Variants in MAP1B observed in about 807,000 individuals in gnomAD.
MAP1B encodes the protein microtubule-associated protein 1B.
Under a neutral mutation model 176.1 loss-of-function variants are expected in MAP1B, and 12 were observed. The ratio of observed to expected loss-of-function variants is 0.07; its 90% CI spans 0.04 to 0.11. The LOEUF is 0.11. MAP1B is among the 10% of genes least tolerant of loss of function. The pLI is 1.00. For synonymous variants in MAP1B, 1,044 were observed against 1,135.0 expected (o/e 0.92, Z 1.61); for missense variants, 2,523 against 2,990.5 (o/e 0.84, Z 3.65).
Position 72,193,680 on chromosome 5 carries a change from G to C in MAP1B, c.511-186G>C, listed in dbSNP as rs541466043. Among the ~76,000 whole-genome samples the C allele has an allele frequency of 1.2e-4, 19 of 152,240 alleles. No individual in the cohort carries two copies. In the South Asian group the frequency reaches 3.5e-3, roughly 28 times the overall value. ...AGCAGCGGGGCTCAGGACAAAGGCT[G>C]TTCACCTTCCAGTAGGGAAGTATTT... On this transcript the variant is annotated intron_variant, in intron 4 of 6. Coordinates refer to ENST00000296755, the MANE Select transcript of MAP1B (RefSeq NM_005909.5).
intron 2 of MAP1B, among the ~76,000 whole-genome samples, chr5:72,118,286 C>T (rs754333612): frequency 1.3e-5 from 2 of 151,490 alleles, no homozygotes; most frequent in Non-Finnish European, 2.9e-5. Context: ...GCTGGGATTA[C>T]AGGTACATGC....
intron 2 of MAP1B, among the ~76,000 whole-genome samples, chr5:72,168,064 G>A (rs1225018079): frequency 6.6e-6 from 1 of 152,262 alleles, no homozygotes; most frequent in Non-Finnish European, 1.5e-5. Flanking sequence ...CCTGTCGCTT[G>A]GCCAAGGCCC....
In MAP1B at chr5:72,197,645, A is replaced by G; in HGVS notation, c.4290A>G (p.Glu1430=). 2 of 1,614,238 alleles carry G rather than the reference A, an allele frequency of 1.2e-6. No homozygotes were observed. Among genetic ancestry groups the G allele is most frequent in the Non-Finnish European group, 1.7e-6 (2 of 1,180,050 alleles). Reference sequence around the variant, plus strand: ...GCAGAGGTGCCGAAAGTCCTTTTGAAGAAAAGAGTGGAAAACAAGGCTCTC... The same window carrying G: ...GCAGAGGTGCCGAAAGTCCTTTTGAGGAAAAGAGTGGAAAACAAGGCTCTC... The part of the protein sequence containing the change: ...ASGRGAESPF[E]EKSGKQGSPD... Residue 1430 remains glutamate (E), a synonymous_variant, in exon 5 of 7, where the codon GAA becomes GAG. Transcript: ENST00000296755.
intron 4 of MAP1B, among the ~76,000 whole-genome samples, chr5:72,188,252 A>G (rs2112221193): frequency 6.6e-6 from 1 of 152,288 alleles, no homozygotes; most frequent in East Asian, 1.9e-4. Flanking sequence ...CCCCATGTGC[A>G]TGTTGTACCC....
At chr5:72,161,692 C>G (rs892553847) in intron 2 of MAP1B, among the ~76,000 whole-genome samples, 5 of 152,146 alleles carry the variant, frequency 3.3e-5, no homozygotes, top group Non-Finnish European at 5.9e-5. Context: ...CGCAGTGGCT[C>G]ACACCTGTAA....
chr5:72,194,265 G>C lies in MAP1B; in HGVS notation c.910G>C (p.Val304Leu), dbSNP rs749063436. Reference sequence around the variant, plus strand: ...GAAGCTCATCCGACACTTAGACCGAGTGGACTCCATCCTGCTCACCCACAT... The same window carrying C: ...GAAGCTCATCCGACACTTAGACCGACTGGACTCCATCCTGCTCACCCACAT... ...FWKLIRHLDR[V>L]DSILLTHIGD... The change falls in exon 5 of 7, where the codon GTG becomes CTG. Residue 304 changes from valine to leucine, a missense_variant. Transcript: ENST00000296755. This position sits in a 1 kb window ranked among gnomAD's most constrained non-coding sequence, Gnocchi z 7.2. 2 of 1,614,186 alleles carry C rather than the reference G, an allele frequency of 1.2e-6. No individual in the cohort carries two copies.
rs770094199 is a variant in MAP1B, at chr5:72,197,159, A to T, written c.3804A>T (p.Glu1268Asp). The change falls in exon 5 of 7, where the codon GAA (glutamate) becomes GAT (aspartate). Residue 1268 changes from glutamate (E) to aspartate (D), a missense_variant. Physicochemically the swap from Glu to Asp is conservative, Grantham distance 45. This residue lies in a region of MAP1B where 1,925 missense variants were observed against 2,126.0 expected (regional missense o/e 0.91). Transcript: ENST00000296755. Reference protein sequence around the residue: ...SLSPSPPSPLEKTPLGERSVN... With the variant: ...SLSPSPPSPLDKTPLGERSVN... ...GTCCATCTCCACCATCACCCTTAGA[A>T]AAGACCCCCCTGGGTGAACGTAGTG... 2 of 1,614,142 alleles carry T rather than the reference A, an allele frequency of 1.2e-6. No individual in the cohort carries two copies. The highest frequency in any genetic ancestry group is 3.3e-5 in the Admixed American group (2 of 60,016).
rs764296166 is a variant in MAP1B, at chr5:72,199,481, C to T, written c.6126C>T (p.Tyr2042=). The T allele has an allele frequency of 1.1e-4, 174 of 1,614,026 alleles. No homozygotes were observed. The highest frequency in any genetic ancestry group is 1.4e-4 in the Non-Finnish European group (169 of 1,180,038). The change falls in exon 5 of 7, where the codon TAC becomes TAT. Residue 2042 remains tyrosine (Y), a synonymous_variant. Coordinates refer to ENST00000296755, the MANE Select transcript of MAP1B (RefSeq NM_005909.5). This position sits in a 1 kb window ranked among gnomAD's most constrained non-coding sequence, Gnocchi z 4.2. ...TRTPDTSTYC[Y]ETAEKITRTP... ...CCCCTGATACTTCCACATACTGTTA[C>T]GAGACTGCAGAGAAAATCACTAGAA... is the stretch of plus-strand genomic sequence containing the variant.
chr5:72,112,273 T>G (rs973265921), intron 1 of MAP1B, among the ~76,000 whole-genome samples: 1 of 152,234 alleles, frequency 6.6e-6, no homozygotes, highest in Non-Finnish European at 1.5e-5. Flanking sequence ...CAACATACAA[T>G]GCATGGTCAT....
intron 1 of MAP1B, among the ~76,000 whole-genome samples, chr5:72,113,414 C>G (rs2112116945): frequency 6.6e-6 from 1 of 152,168 alleles, no homozygotes; most frequent in South Asian, 2.1e-4. Flanking sequence ...TTAGAAATTA[C>G]TAAGTGGATT....
chr5:72,171,360 G>A (rs1288758935), intron 2 of MAP1B, among the ~76,000 whole-genome samples: 1 of 152,092 alleles, frequency 6.6e-6, no homozygotes, highest in Non-Finnish European at 1.5e-5. Context: ...GGCTGAGGTG[G>A]GAGGATCACT....
In MAP1B at chr5:72,203,589, T is replaced by C. The variant is rs1277966225; in HGVS notation, c.7039T>C (p.Ser2347Pro). ...AGPGTTKTTK[S>P]SAVPPGLPVY... ...ACCAGGAACTACCAAGACGACCAAG[T>C]CATCTGCTGTGCCCCCAGGCCTCCC... Residue 2347 changes from serine to proline, a missense_variant, in exon 6 of 7, where the codon TCA (serine) becomes CCA (proline). This residue lies in a region of MAP1B where 287 missense variants were observed against 401.5 expected (regional missense o/e 0.71). Transcript: ENST00000296755. The C allele has an allele frequency of 6.2e-7, 1 of 1,614,138 alleles. No homozygotes were observed. Among genetic ancestry groups the C allele is most frequent in the South Asian group, 1.1e-5 (1 of 91,076 alleles).
chr5:72,150,501 T>C (rs531933650), intron 2 of MAP1B, among the ~76,000 whole-genome samples: 28 of 152,226 alleles, frequency 1.8e-4, no homozygotes, highest in Non-Finnish European at 3.1e-4. Flanking sequence ...ATAACTTTCT[T>C]TTTTAACTTT....
intron 5 of MAP1B, among the ~76,000 whole-genome samples, 186 bp downstream of exon 5, chr5:72,200,553 G>A (rs776955462): frequency 6.6e-6 from 1 of 152,206 alleles, no homozygotes; most frequent in Non-Finnish European, 1.5e-5. Context: ...CTTAAGGCTT[G>A]GAAATAGCTC....
chr5:72,194,469 A>G lies in MAP1B; in HGVS notation c.1114A>G (p.Ile372Val). The G allele has an allele frequency of 6.2e-7, 1 of 1,614,068 alleles. No homozygotes were observed. The highest frequency in any genetic ancestry group is 1.1e-5 in the South Asian group (1 of 91,080). Residue 372 changes from isoleucine (I) to valine (V), a missense_variant, in exon 5 of 7, where the codon ATC becomes GTC. This residue lies in a region of MAP1B where 1,925 missense variants were observed against 2,126.0 expected (regional missense o/e 0.91). Coordinates refer to ENST00000296755, the MANE Select transcript of MAP1B (RefSeq NM_005909.5). The surrounding 1 kb of genome is among the most constrained non-coding windows in gnomAD (Gnocchi z 7.2). ...AAATCTCAAAAATCCAGAGCCAAAC[A>G]TCAAGATGAAGAGAAGCATAGAAGA... ...PENLKNPEPN[I>V]KMKRSIEEAC... is the part of the protein sequence containing the mutation.
intron 2 of MAP1B, among the ~76,000 whole-genome samples, chr5:72,173,537 T>C (rs1247332494): frequency 1.3e-5 from 2 of 152,248 alleles, no homozygotes; most frequent in Non-Finnish European, 2.9e-5. Context: ...TCAGGTCTAA[T>C]TAACCATGTG....
intron 2 of MAP1B, among the ~76,000 whole-genome samples, chr5:72,143,214 C>A (rs1281661540): frequency 6.6e-5 from 10 of 152,110 alleles, no homozygotes; most frequent in Non-Finnish European, 1.5e-4. Flanking sequence ...AAATGTTAGT[C>A]CCAATAATTT....
At chr5:72,183,488 G>A (rs1318068788) in intron 2 of MAP1B, among the ~76,000 whole-genome samples, 1 of 152,176 alleles carries the variant, frequency 6.6e-6, no homozygotes, top group African/African-American at 2.4e-5. Context: ...TGCCTAGACC[G>A]ACCCTGAAAA....
rs759773230 is a variant in MAP1B at position 72,196,142 on chromosome 5, A to G, written c.2787A>G (p.Glu929=). The G allele has an allele frequency of 7.0e-5, 113 of 1,613,306 alleles. No individual in the cohort carries two copies. Among genetic ancestry groups the G allele is most frequent in the Middle Eastern group, 1.8e-4 (1 of 5,640 alleles). Residue 929 remains glutamate (E), a synonymous_variant, in exon 5 of 7, where the codon GAA becomes GAG. Coordinates refer to ENST00000296755, the MANE Select transcript of MAP1B (RefSeq NM_005909.5). This position sits in a 1 kb window ranked among gnomAD's most constrained non-coding sequence, Gnocchi z 5.3. ...GVDDIEKFED[E]GAGFEESSET... is the part of the protein sequence containing the mutation. ...ACGACATTGAAAAATTTGAAGATGAAGGAGCCGGTTTTGAAGAATCTTCAG... is the reference window on the plus strand; with the variant it reads ...ACGACATTGAAAAATTTGAAGATGAGGGAGCCGGTTTTGAAGAATCTTCAG...
Sources: allele counts gnomAD v4.1 joint callset (sites outside exome capture counted in the v4.1 genomes callset), GRCh38; gene constraint gnomAD v4.1.1; regional missense constraint gnomAD v4.1.1; non-coding constraint Gnocchi (gnomAD v3.1); transcripts MANE v1.5; gene names NCBI Gene and HGNC (gene_info 2026-07-23, HGNC 2026-07-21).